SEMA4A: variants seen among roughly 807,000 people sequenced by gnomAD.
SEMA4A encodes the protein semaphorin-4A.
In SEMA4A, 52 loss-of-function variants were observed where a neutral mutation model predicts 72.5. The observed-to-expected ratio is 0.72, with a 90% CI of 0.57 to 0.90. The LOEUF is 0.90. Among genes scored for constraint, SEMA4A ranks in the 40% least tolerant of loss-of-function variants. The probability of loss-of-function intolerance (pLI) is 0.00; values close to 1 mark genes in which losing one functional copy is unlikely to be tolerated. For missense variants in SEMA4A, 926 were observed against 959.7 expected (o/e 0.96, Z 0.46); for synonymous variants, 369 against 393.1 (o/e 0.94, Z 0.73).
chr1:156,166,223 A>G (rs959582024), intron 10 of SEMA4A, among the ~76,000 whole-genome samples: 25 of 151,810 alleles, frequency 1.6e-4, no homozygotes. Context: ...TGGTATTTTT[A>G]GTAGAAACTA....
upstream of SEMA4A, among the ~76,000 whole-genome samples, chr1:156,149,319 C>T (rs1158499323): frequency 6.6e-6 from 1 of 152,120 alleles, no homozygotes; most frequent in African/African-American, 2.4e-5. Context: ...TAGTCTAGAC[C>T]CTTGGAAAGT....
At chr1:156,166,142 G>A (rs1385395650) in intron 10 of SEMA4A, among the ~76,000 whole-genome samples, 1 of 151,664 alleles carries the variant, frequency 6.6e-6, no homozygotes, top group African/African-American at 2.4e-5. Flanking sequence ...CCTGACCTCA[G>A]GTGATCTGTC....
rs1252555079 is a variant in SEMA4A, at chr1:156,160,567, C to T, written c.685+8C>T. ...TCCTCCGCTGGCTGCATCGTAAGGA[C>T]CTGACCCCCGCTGGCCTCCTTTCCT... On this transcript the variant is annotated splice_region_variant and intron_variant, in intron 7 of 14. Coordinates refer to ENST00000368285, the MANE Select transcript of SEMA4A (RefSeq NM_022367.4). 3.7e-6 allele frequency: 6 copies of T among 1,610,750 alleles called. No homozygotes were observed. Among genetic ancestry groups the T allele is most frequent in the Admixed American group, 1.7e-5 (1 of 60,006 alleles).
Position 156,162,934 on chromosome 1 carries a change from C to G in SEMA4A, c.984-10C>G. 3.7e-6 allele frequency: 6 copies of G among 1,613,362 alleles called. No individual in the cohort carries two copies. Among genetic ancestry groups the G allele is most frequent in the Non-Finnish European group, 5.1e-6 (6 of 1,179,994 alleles). ...AGACCACAGACAATGTTCCCTCTGG[C>G]TGTCTCCAGGCAGGTTGGCGGGACC... On this transcript the variant is annotated splice_polypyrimidine_tract_variant and intron_variant, in intron 9 of 14. Transcript: ENST00000368285.
intron 12 of SEMA4A, 59 bp downstream of exon 12, chr1:156,174,999 T>C: frequency 6.2e-7 from 1 of 1,614,144 alleles, no homozygotes; most frequent in Non-Finnish European, 8.5e-7. Context: ...GGGGGCCTGT[T>C]GGGCTGGCTC....
intron 10 of SEMA4A, among the ~76,000 whole-genome samples, chr1:156,167,525 T>C (rs1654289964): frequency 6.6e-6 from 1 of 151,794 alleles, no homozygotes; most frequent in South Asian, 2.1e-4. Flanking sequence ...AGAAAAATAT[T>C]TACATAATCC....
At chr1:156,176,332 A>C in intron 14 of SEMA4A, 73 bp from the exon 15 acceptor site, 1 of 1,126,198 alleles carries the variant, frequency 8.9e-7, no homozygotes, top group Non-Finnish European at 1.3e-6. Context: ...GTCCAAAGAT[A>C]GGTTAGAGAC....
At chr1:156,158,527 C>T in intron 5 of SEMA4A, 41 bp downstream of exon 5, 1 of 1,500,828 alleles carries the variant, frequency 6.7e-7, no homozygotes. Context: ...CCCAAGCATC[C>T]CTTCTCACAT....
At chr1:156,161,110 C>T in intron 8 of SEMA4A, 81 bp downstream of exon 8, 1 of 1,525,362 alleles carries the variant, frequency 6.6e-7, no homozygotes, top group South Asian at 1.1e-5. Flanking sequence ...AGTGGTGGGC[C>T]CCCAGTGAGA....
rs186602706 is a variant in SEMA4A at position 156,159,164 on chromosome 1, T to C, written c.568+340T>C. On this transcript the variant is annotated intron_variant, in intron 6 of 14. Transcript: ENST00000368285. The stretch of plus-strand genomic sequence containing the variant: ...GCCTGGTAAACATGGTGAAACCCCA[T>C]CTCTACTAAAAATACAAAAATTATC... 1.8e-5 allele frequency: 6 copies of C among 337,646 alleles called. No homozygotes were observed. The East Asian group carries it at 4.6e-4, about 26-fold the overall frequency. The allele number at this position is 337,646 out of a possible 1,614,324, so 20.9% of individuals were successfully genotyped here.
chr1:156,174,846 T>C lies in SEMA4A; in HGVS notation c.1340T>C (p.Val447Ala). The stretch of plus-strand genomic sequence containing the variant: ...GCCACAGGGTCGCTCCACAAGGCTG[T>C]GGTAAGTGGGGACAGCAGTGCTCAT... ...GTTTGSLHKA[V>A]VSGDSSAHLV... The change falls in exon 12 of 15, where the codon GTG (valine) becomes GCG (alanine). Residue 447 changes from valine (V) to alanine (A), a missense_variant. Val to Ala is a moderately conservative substitution (Grantham distance 64). Coordinates refer to ENST00000368285, the MANE Select transcript of SEMA4A (RefSeq NM_022367.4). 1 of 1,614,222 alleles carries C rather than the reference T, an allele frequency of 6.2e-7. No individual in the cohort carries two copies. Among genetic ancestry groups the C allele is most frequent in the Non-Finnish European group, 8.5e-7 (1 of 1,180,038 alleles).
At chr1:156,166,426 T>C (rs1291037014) in intron 10 of SEMA4A, among the ~76,000 whole-genome samples, 2 of 152,218 alleles carry the variant, frequency 1.3e-5, no homozygotes, top group African/African-American at 2.4e-5. Context: ...GCAAAACAGA[T>C]GAAAGTCCCT....
rs1339939774 is a variant in SEMA4A at position 156,174,099 on chromosome 1, G to GA, written c.1316-719dup. On this transcript the variant is annotated intron_variant, in intron 11 of 14. Coordinates refer to ENST00000368285, the MANE Select transcript of SEMA4A (RefSeq NM_022367.4). ...GCCCTCCAGCCTGGGTGACAAGAGT[G>GA]AAAATCCGTCTCAAAAAAAAAAATA... is the stretch of plus-strand genomic sequence containing the variant. 3.3e-5 allele frequency among the ~76,000 whole-genome samples: 5 copies of GA among 151,320 alleles called. No homozygotes were observed. The East Asian group carries it at 9.7e-4, about 29-fold the overall frequency.
intron 10 of SEMA4A, among the ~76,000 whole-genome samples, chr1:156,165,051 T>C (rs1654036316): frequency 1.3e-5 from 2 of 152,180 alleles, no homozygotes; most frequent in Admixed American, 1.3e-4. Flanking sequence ...TCCTCCTACC[T>C]TGACCTCCCA....
At chr1:156,151,034 C>T (rs1022064757), upstream of SEMA4A, among the ~76,000 whole-genome samples, 3 of 152,186 alleles carry the variant, frequency 2.0e-5, no homozygotes, top group African/African-American at 4.8e-5. Flanking sequence ...CATTCCCAGC[C>T]AAGGTACTTC....
rs1184688412 is a variant in SEMA4A, at chr1:156,177,226, G to A, written c.*229G>A. 3.3e-5 allele frequency: 20 copies of A among 607,768 alleles called. No individual in the cohort carries two copies. Among genetic ancestry groups the A allele is most frequent in the Admixed American group, 1.8e-4 (7 of 38,562 alleles). The allele number at this position is 607,768 out of a possible 1,614,324, so 37.6% of individuals were successfully genotyped here. A position where few individuals can be genotyped will look rare whatever the true frequency, so the allele number is the denominator to read the frequency against. On this transcript the variant is annotated 3_prime_UTR_variant, in exon 15 of 15. Coordinates refer to ENST00000368285, the MANE Select transcript of SEMA4A (RefSeq NM_022367.4). ...GCACATGAGCTCTCTAACAGGGTGGGGGCTACCCCCAGACCTGCTCCTACA... is the reference window on the plus strand; with the variant it reads ...GCACATGAGCTCTCTAACAGGGTGGAGGCTACCCCCAGACCTGCTCCTACA...
In SEMA4A at chr1:156,156,505, C is replaced by T. The variant is rs756527536; in HGVS notation, c.231C>T (p.Tyr77=). 25 of 1,613,970 alleles carry T rather than the reference C, an allele frequency of 1.5e-5. No individual in the cohort carries two copies. Among genetic ancestry groups the T allele is most frequent in the Non-Finnish European group, 2.0e-5 (24 of 1,180,018 alleles). The part of the protein sequence containing the change: ...LLLSGDGNTL[Y]VGAREAILAL... ...TGAGTGGTGATGGAAATACTCTCTA[C>T]GTGGGGGCTCGAGAAGCCATTCTGG... Residue 77 remains tyrosine, a synonymous_variant, in exon 3 of 15, where the codon TAC becomes TAT. Transcript: ENST00000368285.
chr1:156,158,137 G>A lies in SEMA4A; in HGVS notation c.363+5G>A, dbSNP rs772392176. On this transcript the variant is annotated splice_donor_5th_base_variant and intron_variant, in intron 4 of 14. Coordinates refer to ENST00000368285, the MANE Select transcript of SEMA4A (RefSeq NM_022367.4). ...TTTAAGAAGAAGAGCAATGAGGTAA[G>A]TGGAGGTGGGGGAGTAGGGGTAGAG... The A allele has an allele frequency of 2.5e-6, 4 of 1,614,128 alleles. No homozygotes were observed. The Middle Eastern group carries it at 5.0e-4, about 200-fold the overall frequency.
At chr1:156,170,088 C>T (rs1654559651) in intron 10 of SEMA4A, among the ~76,000 whole-genome samples, 1 of 151,822 alleles carries the variant, frequency 6.6e-6, no homozygotes, top group Non-Finnish European at 1.5e-5. Flanking sequence ...TTTGGGAGGC[C>T]GAGGTGGGAG....
Sources: allele counts gnomAD v4.1 joint callset (sites outside exome capture counted in the v4.1 genomes callset), GRCh38; gene constraint gnomAD v4.1.1; transcripts MANE v1.5; gene names NCBI Gene and HGNC (gene_info 2026-07-23, HGNC 2026-07-21).